Variants in NOD1 observed in about 807,000 individuals in gnomAD.
NOD1 encodes the protein nucleotide-binding oligomerization domain-containing protein 1.
Under a neutral mutation model 81.2 loss-of-function variants are expected in NOD1, and 70 were observed. The ratio of observed to expected loss-of-function variants is 0.86; its 90% CI spans 0.71 to 1.05. The LOEUF (loss-of-function observed/expected upper bound fraction) is 1.05, where lower values mean the gene tolerates loss of function less well. Among genes scored for constraint, NOD1 ranks in the 50% least tolerant of loss-of-function variants. NOD1 has a pLI of 0.00. For synonymous variants in NOD1, 508 were observed against 526.9 expected (o/e 0.96, Z 0.49); for missense variants, 1,233 against 1,228.0 (o/e 1.00, Z -0.06).
Position 30,452,737 on chromosome 7 carries a change from C to A in NOD1, c.680G>T (p.Gly227Val), listed in dbSNP as rs776927719. Residue 227 changes from glycine (G) to valine (V), a missense_variant, in exon 6 of 14, where the codon GGG (glycine) becomes GTG (valine). Gly to Val is a moderately radical substitution (Grantham distance 109). Coordinates refer to ENST00000222823, the MANE Select transcript of NOD1 (RefSeq NM_006092.4). ...GCGAAAGTGGAAGAAGAATTTGACC[C>A]CTGCGTCTAGCCGGCCCGTGGCCCA... ...SLWATGRLDA[G>V]VKFFFHFRCR... is the part of the protein sequence containing the mutation. 3.1e-6 allele frequency: 5 copies of A among 1,614,004 alleles called. No individual in the cohort carries two copies. The highest frequency in any genetic ancestry group is 3.3e-5 in the Admixed American group (2 of 60,026).
intron 1 of NOD1, among the ~76,000 whole-genome samples, chr7:30,462,084 AGT>A (rs1327641765): frequency 6.6e-6 from 1 of 152,198 alleles, no homozygotes; most frequent in African/African-American, 2.4e-5. Flanking sequence ...TCGGCAACTC[AGT>A]GAGACAGAGG....
chr7:30,452,556 G>A lies in NOD1; in HGVS notation c.861C>T (p.Asp287=), dbSNP rs777611189. ...TCAGGTCCAAGTCCGAGTGCAGCTC[G>A]TCCAGGCCATCGAAGGTGAAGAGGG... ...HVALFTFDGL[D]ELHSDLDLSR... Residue 287 remains aspartate (D), a synonymous_variant, in exon 6 of 14, where the codon GAC becomes GAT. Coordinates refer to ENST00000222823, the MANE Select transcript of NOD1 (RefSeq NM_006092.4). 29 of 1,613,070 alleles carry A rather than the reference G, an allele frequency of 1.8e-5. No individual in the cohort carries two copies. The highest frequency in any genetic ancestry group is 8.3e-5 in the Admixed American group (5 of 60,010).
chr7:30,454,622 G>T (rs1786148798), intron 5 of NOD1, among the ~76,000 whole-genome samples: 1 of 152,114 alleles, frequency 6.6e-6, no homozygotes, highest in South Asian at 2.1e-4. Context: ...ACCTGGCAAG[G>T]CTTTTTAATT....
At chr7:30,469,600 A>T (rs1788059842) in intron 1 of NOD1, among the ~76,000 whole-genome samples, 1 of 152,220 alleles carries the variant, frequency 6.6e-6, no homozygotes, top group Non-Finnish European at 1.5e-5. Flanking sequence ...GGGAAGTCCA[A>T]TGCCTGCCCC....
intron 10 of NOD1, among the ~76,000 whole-genome samples, chr7:30,436,698 C>T (rs1346894570): frequency 6.6e-6 from 1 of 152,224 alleles, no homozygotes; most frequent in Non-Finnish European, 1.5e-5. Flanking sequence ...CTCCCTCTAC[C>T]AGCAAGGGAC....
intron 3 of NOD1, among the ~76,000 whole-genome samples, chr7:30,457,580 CTTT>C (rs1285737028): frequency 1.3e-5 from 2 of 152,140 alleles, no homozygotes; most frequent in Non-Finnish European, 2.9e-5. Context: ...ATCAAAACAT[CTTT>C]ATTATTACTA....
intron 10 of NOD1, among the ~76,000 whole-genome samples, chr7:30,436,800 GAATA>G (rs1562660299): frequency 2.6e-5 from 4 of 152,300 alleles, no homozygotes; most frequent in East Asian, 3.9e-4. Flanking sequence ...TCACTGAGCT[GAATA>G]AACACTTAAG....
intron 5 of NOD1, 43 bp from the exon 6 acceptor site, chr7:30,453,083 A>G: frequency 7.0e-6 from 11 of 1,560,288 alleles, no homozygotes; most frequent in Non-Finnish European, 9.6e-6. Context: ...GGGTGAGGAG[A>G]GAGGCAGAAA....
At chr7:30,470,029 G>A (rs2952803) in intron 1 of NOD1, among the ~76,000 whole-genome samples, 3,384 of 152,294 alleles carry the variant, frequency 0.022, 125 homozygotes, top group African/African-American at 0.078. Context: ...CTCAGAGGGC[G>A]TGCAACTTTG....
At chr7:30,427,253 C>T (rs1304071746) in intron 13 of NOD1, among the ~76,000 whole-genome samples, 1 of 152,224 alleles carries the variant, frequency 6.6e-6, no homozygotes, top group Non-Finnish European at 1.5e-5. Flanking sequence ...CTGTAATTTA[C>T]AGTGTTCATT....
In NOD1 at chr7:30,478,134, G is replaced by A. The variant is rs1215817085; in HGVS notation, c.-352+472C>T. Among the ~76,000 whole-genome samples, 1 of 152,134 alleles carries A rather than the reference G, an allele frequency of 6.6e-6. No individual in the cohort carries two copies. Among genetic ancestry groups the A allele is most frequent in the Non-Finnish European group, 1.5e-5 (1 of 68,024 alleles). ...AGGACCAAGCAGGACACTGGGAGCT[G>A]CTGTCCCGTCTGCAGGCGGGACTCC... On this transcript the variant is annotated intron_variant, in intron 1 of 13. Coordinates refer to ENST00000222823, the MANE Select transcript of NOD1 (RefSeq NM_006092.4). This position sits in a 1 kb window ranked among gnomAD's most constrained non-coding sequence, Gnocchi z 4.1.
intron 1 of NOD1, among the ~76,000 whole-genome samples, chr7:30,472,509 T>C (rs1289116655): frequency 1.3e-5 from 2 of 152,268 alleles, no homozygotes; most frequent in African/African-American, 2.4e-5. Flanking sequence ...GTTACAATTA[T>C]GTATTTACCT....
intron 5 of NOD1, among the ~76,000 whole-genome samples, chr7:30,454,057 G>A (rs926001280): frequency 1.1e-4 from 16 of 152,226 alleles, no homozygotes; most frequent in Admixed American, 7.9e-4. Flanking sequence ...AGGGGAGACA[G>A]GAAGGAGCAG....
chr7:30,452,924 C>A lies in NOD1; in HGVS notation c.493G>T (p.Glu165Ter). ...CTCTCATTGCTGAAGCCAACCAGCT[C>A]CATGATGGTGTCCATGTAGATCTCC... ...LEEIYMDTIM[E>*]LVGFSNESLG... is the part of the protein sequence containing the mutation. Residue 165 changes from glutamate to a stop codon, truncating the protein, a stop_gained, in exon 6 of 14, where the codon GAG becomes TAG. Transcript: ENST00000222823. LOFTEE classifies it high-confidence loss of function. The A allele has an allele frequency of 6.2e-7, 1 of 1,614,002 alleles. No homozygotes were observed. The highest frequency in any genetic ancestry group is 1.1e-5 in the South Asian group (1 of 91,078).
chr7:30,429,792 G>A (rs1783785384), intron 12 of NOD1, among the ~76,000 whole-genome samples: 1 of 152,196 alleles, frequency 6.6e-6, no homozygotes, highest in African/African-American at 2.4e-5. Flanking sequence ...AGCACTTTGG[G>A]AGGCCGAGGT....
intron 1 of NOD1, among the ~76,000 whole-genome samples, chr7:30,472,785 CTGCAGAACTG>C (rs1788402586): frequency 6.6e-6 from 1 of 152,220 alleles, no homozygotes; most frequent in Non-Finnish European, 1.5e-5. Context: ...CACTTCCAGC[CTGCAGAACTG>C]TGAGAGATAA....
chr7:30,463,068 G>A (rs1488912225), intron 1 of NOD1, among the ~76,000 whole-genome samples: 3 of 151,986 alleles, frequency 2.0e-5, no homozygotes, highest in African/African-American at 4.8e-5. Flanking sequence ...CTGCAAAGAG[G>A]AATAAGGAAA....
chr7:30,425,667 C>A lies in NOD1; in HGVS notation c.2833G>T (p.Glu945Ter), dbSNP rs202110779. ...AAACAGATAATCCGCTTCTCATCTTCATAGACTTTGGCCTCCTCTGGTTTT... is the reference window on the plus strand; with the variant it reads ...AAACAGATAATCCGCTTCTCATCTTAATAGACTTTGGCCTCCTCTGGTTTT... ...LIKPEEAKVY[E>*]DEKRIICF The change falls in exon 14 of 14, where the codon GAA becomes TAA. Residue 945 changes from glutamate (E) to a stop codon, truncating the protein, a stop_gained. Transcript: ENST00000222823. LOFTEE classifies it high-confidence loss of function. The A allele has an allele frequency of 8.5e-5, 137 of 1,613,788 alleles. No homozygotes were observed. The highest frequency in any genetic ancestry group is 1.1e-4 in the Non-Finnish European group (127 of 1,179,822).
intron 13 of NOD1, among the ~76,000 whole-genome samples, chr7:30,426,732 C>G (rs1380979939): frequency 2.6e-5 from 4 of 152,160 alleles, no homozygotes; most frequent in Admixed American, 6.5e-5. Context: ...CTGTAGTCCC[C>G]TCTTCCACAC....
Sources: gnomAD v4.1 joint callset for allele counts (sites outside exome capture counted in the v4.1 genomes callset) on GRCh38, gnomAD v4.1.1 for gene constraint, Gnocchi (gnomAD v3.1) non-coding constraint, MANE v1.5 for transcripts, NCBI Gene and HGNC (gene_info 2026-07-23, HGNC 2026-07-21) for gene names.